TYK2: variants seen among roughly 807,000 people sequenced by gnomAD.
The protein encoded by TYK2 is tyrosine kinase 2.
A neutral mutation model predicts 130.9 loss-of-function variants in TYK2; 65 were observed. The ratio of observed to expected loss-of-function variants is 0.50; its 90% confidence interval spans 0.41 to 0.61. TYK2 has a LOEUF of 0.61. Among genes scored for constraint, TYK2 ranks in the 20% least tolerant of loss-of-function variants. TYK2 has a pLI of 0.00. For synonymous variants in TYK2, 647 were observed against 658.9 expected (o/e 0.98, Z 0.28); for missense variants, 1,378 against 1,610.7 (o/e 0.86, Z 2.47).
chr19:10,378,070 GTGGATGGGTGGA>G (rs1473637254), intron 3 of TYK2, 132 bp downstream of exon 3: 7 of 794,742 alleles, frequency 8.8e-6, no homozygotes, highest in South Asian at 6.6e-5. Context: ...GGATGGGTGG[GTGGATGGGTGGA>G]TGGATGGATG....
intron 3 of TYK2, among the ~76,000 whole-genome samples, chr19:10,376,319 T>C (rs1329499039): frequency 1.9e-5 from 2 of 106,622 alleles, no homozygotes; most frequent in African/African-American, 8.1e-5. Context: ...GGCCTTTTTT[T>C]ATTTTTGAAA....
chr19:10,357,206 T>A, intron 17 of TYK2: 1 of 439,326 alleles, frequency 2.3e-6, no homozygotes, highest in Non-Finnish European at 4.2e-6. Flanking sequence ...CTGACCAATA[T>A]AATGAAACCC....
intron 23 of TYK2, 100 bp downstream of exon 23, chr19:10,352,334 A>G: frequency 1.2e-6 from 1 of 827,922 alleles, no homozygotes; most frequent in South Asian, 1.3e-5. Context: ...GGCCTCCCAA[A>G]GTGCTGGGAT....
rs771230038 is a variant in TYK2, at chr19:10,351,088, C to T, written c.3393G>A (p.Gly1131=). ...VLRLTELLER[G]ERLPRPDKCP... Reference sequence around the variant, plus strand: ...ATTTGTCGGGCCGTGGCAGCCTCTCCCCTCGTTCCAGCAACTCAGTGAGTC... The same window carrying T: ...ATTTGTCGGGCCGTGGCAGCCTCTCTCCTCGTTCCAGCAACTCAGTGAGTC... The change falls in exon 24 of 25, where the codon GGG becomes GGA. Residue 1131 remains glycine, a synonymous_variant. Transcript: ENST00000525621. The T allele has an allele frequency of 1.2e-6, 2 of 1,614,140 alleles. No individual in the cohort carries two copies. Among genetic ancestry groups the T allele is most frequent in the Non-Finnish European group, 1.7e-6 (2 of 1,180,032 alleles).
rs2040944722 is a variant in TYK2 at position 10,353,921 on chromosome 19, T to C, written c.2908+121A>G. ...GCTCACCCAGATGCCAAGAACCGCG[T>C]ACTGCAGCCTGGGGTTGAGAGTCTC... On this transcript the variant is annotated intron_variant, in intron 20 of 24. Transcript: ENST00000525621. The surrounding 1 kb of genome is among the most constrained non-coding windows in gnomAD (Gnocchi z 6.9). The C allele has an allele frequency of 1.8e-6, 2 of 1,098,280 alleles. No individual in the cohort carries two copies. Among genetic ancestry groups the C allele is most frequent in the Non-Finnish European group, 2.7e-6 (2 of 740,554 alleles). 68.0% of individuals were successfully genotyped at this position (1,098,280 alleles called of 1,614,324 possible). A position where few individuals can be genotyped will look rare whatever the true frequency, so the allele number is the denominator to read the frequency against.
rs1405819609 is a variant in TYK2 at position 10,359,181 on chromosome 19, G to A, written c.2169C>T (p.Ser723=). 1.2e-6 allele frequency: 2 copies of A among 1,602,988 alleles called. No homozygotes were observed. The highest frequency in any genetic ancestry group is 1.7e-6 in the Non-Finnish European group (2 of 1,179,836). The change falls in exon 15 of 25, where the codon AGC becomes AGT. Residue 723 remains serine (S), a synonymous_variant. Transcript: ENST00000525621. ...CCACACACAGGCCACACACCAGGTA[G>A]CTGAGGGCGCTGGCCAGCTGCTGGG... ...VVAQQLASAL[S]YLENKNLVHG... is the part of the protein sequence containing the mutation.
intron 23 of TYK2, 22 bp downstream of exon 23, chr19:10,352,412 G>A: frequency 1.3e-6 from 2 of 1,500,662 alleles, no homozygotes; most frequent in Non-Finnish European, 1.9e-6. Flanking sequence ...ACTCCCGGTG[G>A]GGCTGCGGGC....
chr19:10,367,949 T>C, intron 5 of TYK2, 106 bp downstream of exon 5: 2 of 1,285,852 alleles, frequency 1.6e-6, no homozygotes, highest in Admixed American at 2.1e-5. Context: ...CCAGATAGCA[T>C]GAGTTGAAAC....
intron 14 of TYK2, among the ~76,000 whole-genome samples, chr19:10,360,353 CGGGTGTGATA>C (rs1395897059): frequency 6.6e-6 from 1 of 151,634 alleles, no homozygotes; most frequent in Non-Finnish European, 1.5e-5. Context: ...AAAAATCAGC[CGGGTGTGATA>C]GCACACGCCT....
At chr19:10,370,588 C>G (rs2145296352) in intron 3 of TYK2, among the ~76,000 whole-genome samples, 1 of 151,114 alleles carries the variant, frequency 6.6e-6, no homozygotes, top group Non-Finnish European at 1.5e-5. Context: ...GAAGCTGAGG[C>G]AGGTGAAGCA....
chr19:10,365,398 A>C, intron 7 of TYK2, 119 bp downstream of exon 7: 2 of 1,490,334 alleles, frequency 1.3e-6, no homozygotes, highest in Non-Finnish European at 1.8e-6. Context: ...CAGGTGCCCC[A>C]GAGCCATGTG....
Position 10,353,331 on chromosome 19 carries a change from G to A in TYK2, c.3027+197C>T. ...AGGAGGGCGAGTTGGGAGGGGCCGA[G>A]CCGGCTGTGCGTGGTCCCTTGGGAG... On this transcript the variant is annotated intron_variant, in intron 21 of 24. Transcript: ENST00000525621. This position sits in a 1 kb window ranked among gnomAD's most constrained non-coding sequence, Gnocchi z 6.9. The A allele has an allele frequency of 1.7e-6, 1 of 577,142 alleles. No homozygotes were observed. The highest frequency in any genetic ancestry group is 3.0e-5 in the East Asian group (1 of 33,112). 35.8% of individuals were successfully genotyped at this position (577,142 alleles called of 1,614,324 possible).
intron 3 of TYK2, among the ~76,000 whole-genome samples, chr19:10,371,533 G>C (rs1053192602): frequency 2.0e-5 from 3 of 151,974 alleles, no homozygotes; most frequent in Admixed American, 2.0e-4. Flanking sequence ...CCAGCTACTC[G>C]GGAGGCTGAG....
rs1384708218 is a variant in TYK2 at position 10,365,548 on chromosome 19, C to T, written c.980G>A (p.Trp327Ter). ...CTTGTTCACCTCCTCCTCTACTGGC[C>T]ACCACTGGATGCCACCAGTGCCTGT... ...LVTGTGGIQW[W>*]PVEEEVNKEE... The change falls in exon 7 of 25, where the codon TGG (tryptophan) becomes TAG (stop). Residue 327 changes from tryptophan to a stop codon, truncating the protein, a stop_gained. Transcript: ENST00000525621. LOFTEE classifies it high-confidence loss of function. The T allele has an allele frequency of 6.2e-7, 1 of 1,614,064 alleles. No homozygotes were observed.
At position 10,359,225 on chromosome 19, in the gene TYK2, C is replaced by T. The variant is rs1198599024; in HGVS notation, c.2125G>A (p.Ala709Thr). 2 of 1,609,794 alleles carry T rather than the reference C, an allele frequency of 1.2e-6. No individual in the cohort carries two copies. The highest frequency in any genetic ancestry group is 2.2e-5 in the South Asian group (2 of 91,042). ...TGCTGGGCCACCACCATCTTCCAAGCCATGGGCACATGGCCCCGCTCCCTC... is the reference window on the plus strand; with the variant it reads ...TGCTGGGCCACCACCATCTTCCAAGTCATGGGCACATGGCCCCGCTCCCTC... ...LRRERGHVPM[A>T]WKMVVAQQLA... is the part of the protein sequence containing the mutation. The change falls in exon 15 of 25, where the codon GCT (alanine) becomes ACT (threonine). Residue 709 changes from alanine to threonine, a missense_variant. Coordinates refer to ENST00000525621, the MANE Select transcript of TYK2 (RefSeq NM_003331.5).
chr19:10,365,487 C>T lies in TYK2; in HGVS notation c.1011+30G>A, dbSNP rs199579383. ...GAAACCCACCCCAGCCCAACCTGAA[C>T]CCCCAGGGCGGAAGGGGCGCCTTGC... is the stretch of plus-strand genomic sequence containing the variant. On this transcript the variant is annotated intron_variant, in intron 7 of 24. Transcript: ENST00000525621. 2.7e-3 allele frequency: 4,286 copies of T among 1,612,492 alleles called. 10 individuals carry two copies. Among genetic ancestry groups the T allele is most frequent in the Non-Finnish European group, 3.1e-3 (3,612 of 1,179,978 alleles).
intron 3 of TYK2, among the ~76,000 whole-genome samples, chr19:10,372,114 C>T (rs2041928617): frequency 6.6e-6 from 1 of 151,844 alleles, no homozygotes; most frequent in African/African-American, 2.4e-5. Flanking sequence ...CCTCAGCCTC[C>T]CGAGTAGCTG....
intron 18 of TYK2, among the ~76,000 whole-genome samples, chr19:10,355,572 G>A (rs1310076212): frequency 2.0e-5 from 3 of 150,636 alleles, no homozygotes; most frequent in African/African-American, 4.9e-5. Flanking sequence ...CCCAGGAGGC[G>A]GAGGTTGCAG....
intron 5 of TYK2, among the ~76,000 whole-genome samples, chr19:10,366,967 C>A (rs1213931746): frequency 1.3e-5 from 2 of 151,386 alleles, no homozygotes; most frequent in African/African-American, 4.9e-5. Flanking sequence ...TCACTTGAAC[C>A]TGGGAGGCAG....
Sources: allele counts gnomAD v4.1 joint callset (sites outside exome capture counted in the v4.1 genomes callset), GRCh38; gene constraint gnomAD v4.1.1; non-coding constraint Gnocchi (gnomAD v3.1); transcripts MANE v1.5; gene names NCBI Gene and HGNC (gene_info 2026-07-23, HGNC 2026-07-21).